Variants in USP31 observed in about 807,000 individuals in gnomAD.
USP31 encodes the protein ubiquitin specific peptidase 31.
USP31 carries 44 observed loss-of-function variants against 119.4 expected under a neutral mutation model. The ratio of observed to expected loss-of-function variants is 0.37; its 90% confidence interval spans 0.29 to 0.47. USP31 has a LOEUF of 0.47. Among genes scored for constraint, USP31 ranks in the 20% least tolerant of loss-of-function variants. The pLI is 0.99. For missense variants in USP31, 1,643 were observed against 1,730.2 expected, an observed-to-expected ratio of 0.95 and a Z score of 0.89; for synonymous variants, 749 against 705.6, an observed-to-expected ratio of 1.06 and a Z score of -0.97.
chr16:23,117,186 T>C (rs972815534), intron 1 of USP31, among the ~76,000 whole-genome samples: 1 of 152,220 alleles, frequency 6.6e-6, no homozygotes, highest in Non-Finnish European at 1.5e-5. Context: ...CTCCTGATCC[T>C]TCCAGGCACA....
At chr16:23,081,083 T>C (rs1900800525) in intron 12 of USP31, among the ~76,000 whole-genome samples, 1 of 152,118 alleles carries the variant, frequency 6.6e-6, no homozygotes. Flanking sequence ...CAGCACGCTG[T>C]CTGACAGCAA....
rs1056159058 is a variant in USP31 at position 23,063,106 on chromosome 16, T to C, written c.*4940A>G. On this transcript the variant is annotated 3_prime_UTR_variant, in exon 16 of 16. Coordinates refer to ENST00000219689, the MANE Select transcript of USP31 (RefSeq NM_020718.4). ...TTTTTTAAAGTTCCCCAGCTGATTC[T>C]AGTTAATGTGGGTCTTCACTATCTC... is the stretch of plus-strand genomic sequence containing the variant. The C allele has an allele frequency of 1.3e-5, 2 of 152,246 alleles. No individual in the cohort carries two copies. The highest frequency in any genetic ancestry group is 4.8e-5 in the African/African-American group (2 of 41,462). 9.4% of individuals were successfully genotyped at this position (152,246 alleles called of 1,614,324 possible). A position where few individuals can be genotyped will look rare whatever the true frequency, so the allele number is the denominator to read the frequency against.
chr16:23,133,954 G>A (rs1007264121), intron 1 of USP31, among the ~76,000 whole-genome samples: 1 of 151,996 alleles, frequency 6.6e-6, no homozygotes, highest in African/African-American at 2.4e-5. Flanking sequence ...GCATGCACCC[G>A]TAGTCCAAGC....
chr16:23,141,629 G>A (rs538330226), intron 1 of USP31, among the ~76,000 whole-genome samples: 31 of 152,198 alleles, frequency 2.0e-4, no homozygotes, highest in Non-Finnish European at 3.5e-4. Flanking sequence ...TGTCTACCAC[G>A]GCCTCCCAAA....
At chr16:23,140,959 C>A (rs932243584) in intron 1 of USP31, among the ~76,000 whole-genome samples, 1 of 152,222 alleles carries the variant, frequency 6.6e-6, no homozygotes, top group East Asian at 1.9e-4. Flanking sequence ...CCTCCCTCCA[C>A]CATCCCTTTT....
At chr16:23,125,171 A>G (rs1902811506) in intron 1 of USP31, among the ~76,000 whole-genome samples, 1 of 152,174 alleles carries the variant, frequency 6.6e-6, no homozygotes, top group Non-Finnish European at 1.5e-5. Context: ...AAAGGAGTCA[A>G]TGGTTGTTAA....
intron 10 of USP31, 130 bp from the exon 11 acceptor site, chr16:23,085,119 A>G (rs1003807661): frequency 1.5e-6 from 2 of 1,338,888 alleles, no homozygotes; most frequent in African/African-American, 1.5e-5. Context: ...GTAAGAAAAC[A>G]AAAGTAGTGA....
intron 1 of USP31, among the ~76,000 whole-genome samples, chr16:23,137,052 A>T (rs1416317881): frequency 6.6e-6 from 1 of 152,144 alleles, no homozygotes; most frequent in Non-Finnish European, 1.5e-5. Flanking sequence ...ATCTCTACAA[A>T]AACACAAAAA....
intron 1 of USP31, among the ~76,000 whole-genome samples, chr16:23,135,281 C>T (rs961117376): frequency 7.9e-5 from 12 of 151,902 alleles, no homozygotes; most frequent in Non-Finnish European, 1.3e-4. Context: ...GCTCAAGAAA[C>T]AAGACAAGGA....
intron 6 of USP31, among the ~76,000 whole-genome samples, chr16:23,098,961 AACAG>A (rs961597943): frequency 1.3e-3 from 202 of 152,340 alleles, no homozygotes; most frequent in African/African-American, 4.5e-3. Flanking sequence ...CAAAAGCCAA[AACAG>A]ACAAATGGGA....
intron 10 of USP31, among the ~76,000 whole-genome samples, 156 bp from the exon 11 acceptor site, chr16:23,085,145 T>A (rs1035726689): frequency 1.3e-5 from 2 of 152,220 alleles, no homozygotes; most frequent in African/African-American, 4.8e-5. Context: ...CTTTTCTATA[T>A]TCCAAAATGT....
chr16:23,086,638 G>C (rs950030233), intron 9 of USP31, among the ~76,000 whole-genome samples: 2 of 152,170 alleles, frequency 1.3e-5, no homozygotes, highest in Admixed American at 1.3e-4. Flanking sequence ...CTTTAATGCT[G>C]CTGAAAGGTT....
intron 6 of USP31, among the ~76,000 whole-genome samples, chr16:23,100,667 G>A (rs1901810756): frequency 1.3e-5 from 2 of 152,118 alleles, no homozygotes; most frequent in Admixed American, 1.3e-4. Flanking sequence ...CAGCTACTCG[G>A]GAGGCTAAGG....
At chr16:23,081,582 T>C (rs543018427) in intron 12 of USP31, among the ~76,000 whole-genome samples, 1 of 152,366 alleles carries the variant, frequency 6.6e-6, no homozygotes, top group Admixed American at 6.5e-5. Flanking sequence ...TAATCTGTTA[T>C]CTACACAATA....
In USP31 at chr16:23,149,413, C is replaced by T; in HGVS notation, c.-143G>A. The T allele has an allele frequency of 1.0e-6, 1 of 956,878 alleles. No homozygotes were observed. Among genetic ancestry groups the T allele is most frequent in the Non-Finnish European group, 1.2e-6 (1 of 805,598 alleles). The allele number at this position is 956,878 out of a possible 1,614,324, so 59.3% of individuals were successfully genotyped here. On this transcript the variant is annotated 5_prime_UTR_variant, in exon 1 of 16. Transcript: ENST00000219689. The stretch of plus-strand genomic sequence containing the variant: ...ACACCTCAAAGCGCAGCCGAGCCAG[C>T]GAGCGAGCGGCGGCCGGCGGGGCCA...
rs780934261 is a variant in USP31 at position 23,069,120 on chromosome 16, G to A, written c.2985C>T (p.Ser995=). The change falls in exon 16 of 16, where the codon AGC becomes AGT. Residue 995 remains serine (S), a synonymous_variant. Transcript: ENST00000219689. Reference sequence around the variant, plus strand: ...TGACTGGAGAGCTGTCTACGGAGTCGCTCTGATCCACATAAGCGATCTGAT... The same window carrying A: ...TGACTGGAGAGCTGTCTACGGAGTCACTCTGATCCACATAAGCGATCTGAT... ...NNNQIAYVDQ[S]DSVDSSPVKE... 1.2e-5 allele frequency: 19 copies of A among 1,613,154 alleles called. No homozygotes were observed. Among genetic ancestry groups the A allele is most frequent in the Middle Eastern group, 1.6e-4 (1 of 6,082 alleles).
rs376078823 is a variant in USP31, at chr16:23,103,788, G to A, written c.1090-1325C>T. 1.2e-3 allele frequency among the ~76,000 whole-genome samples: 176 copies of A among 152,150 alleles called. 1 individual carries two copies. Among genetic ancestry groups the A allele is most frequent in the Non-Finnish European group, 1.6e-3 (111 of 68,002 alleles). ...AAATCAGCTGGGTGTGGTGGCATGCGCCTACAGTCCCCACTACTTGGGAAG... is the reference window on the plus strand; with the variant it reads ...AAATCAGCTGGGTGTGGTGGCATGCACCTACAGTCCCCACTACTTGGGAAG... On this transcript the variant is annotated intron_variant, in intron 5 of 15. Transcript: ENST00000219689.
chr16:23,074,481 T>C (rs186995212), intron 13 of USP31, among the ~76,000 whole-genome samples: 244 of 152,358 alleles, frequency 1.6e-3, no homozygotes, highest in Non-Finnish European at 2.9e-3. Context: ...TCTCATTTAA[T>C]CCTCAGATTT....
intron 1 of USP31, among the ~76,000 whole-genome samples, chr16:23,129,355 T>C (rs1223251975): frequency 6.6e-6 from 1 of 152,194 alleles, no homozygotes; most frequent in African/African-American, 2.4e-5. Flanking sequence ...TATGTGTACA[T>C]ATATATGTGT....
Sources: allele counts gnomAD v4.1 joint callset (sites outside exome capture counted in the v4.1 genomes callset), GRCh38; gene constraint gnomAD v4.1.1; transcripts MANE v1.5; gene names NCBI Gene and HGNC (gene_info 2026-07-23, HGNC 2026-07-21).